Variants in ADAMTS17 observed in about 807,000 individuals in gnomAD.
ADAMTS17 encodes ADAM metallopeptidase with thrombospondin type 1 motif 17, also known as A disintegrin and metalloproteinase with thrombospondin motifs 17.
ADAMTS17 carries 113 observed loss-of-function variants against 141.5 expected under a neutral mutation model. That is an observed-to-expected ratio of 0.80 (90% CI 0.69 to 0.93). The LOEUF is 0.93. ADAMTS17 is among the 40% of genes least tolerant of loss of function. The pLI, the probability that ADAMTS17 is intolerant of heterozygous loss-of-function variation, is 0.00. For missense variants in ADAMTS17, 1,659 were observed against 1,517.9 expected, an observed-to-expected ratio of 1.09 and a Z score of -1.54; for synonymous variants, 768 against 630.6, an observed-to-expected ratio of 1.22 and a Z score of -3.27.
At chr15:100,102,681 G>T (rs139759652) in intron 14 of ADAMTS17, among the ~76,000 whole-genome samples, 1 of 152,174 alleles carries the variant, frequency 6.6e-6, no homozygotes, top group African/African-American at 2.4e-5. Flanking sequence ...TAACTAGTGC[G>T]AGGGAAATTG....
At chr15:100,296,076 A>G (rs1386795806) in intron 3 of ADAMTS17, among the ~76,000 whole-genome samples, 2 of 152,138 alleles carry the variant, frequency 1.3e-5, no homozygotes, top group African/African-American at 4.8e-5. Flanking sequence ...CCCACATCTA[A>G]GAACCTGGGG....
chr15:100,319,780 C>A (rs1286487008), intron 3 of ADAMTS17, among the ~76,000 whole-genome samples: 3 of 151,736 alleles, frequency 2.0e-5, no homozygotes, highest in African/African-American at 7.3e-5. Flanking sequence ...CTAAGAAGAT[C>A]TAGGTGGGGC....
chr15:100,190,688 A>G (rs971893706), intron 8 of ADAMTS17, among the ~76,000 whole-genome samples: 4 of 152,242 alleles, frequency 2.6e-5, no homozygotes, highest in African/African-American at 9.6e-5. Context: ...CAAGGGTTTC[A>G]GGCAGGAAAC....
chr15:99,991,132 C>T (rs992396507), intron 20 of ADAMTS17, among the ~76,000 whole-genome samples: 1 of 152,182 alleles, frequency 6.6e-6, no homozygotes, highest in Non-Finnish European at 1.5e-5. Context: ...GTGACTAAAA[C>T]ACCAAAAGCA....
At chr15:99,987,011 G>A (rs2727222) in intron 20 of ADAMTS17, among the ~76,000 whole-genome samples, 16,418 of 152,248 alleles carry the variant, frequency 0.11, 2,746 homozygotes, top group African/African-American at 0.36. Flanking sequence ...AGGTCAGGAT[G>A]AGGGCTAGGG....
chr15:100,337,163 C>T (rs138882141), intron 2 of ADAMTS17, among the ~76,000 whole-genome samples: 293 of 152,374 alleles, frequency 1.9e-3, no homozygotes, highest in African/African-American at 6.8e-3. Context: ...CGTAAGCCAC[C>T]GCACCTGGCT....
intron 8 of ADAMTS17, among the ~76,000 whole-genome samples, chr15:100,178,291 T>C (rs916400466): frequency 1.3e-5 from 2 of 152,194 alleles, no homozygotes; most frequent in Admixed American, 1.3e-4. Flanking sequence ...TTTTGATTTA[T>C]TCATGATTTT....
At chr15:100,069,380 G>C (rs977358308) in intron 15 of ADAMTS17, among the ~76,000 whole-genome samples, 1 of 152,102 alleles carries the variant, frequency 6.6e-6, no homozygotes, top group Non-Finnish European at 1.5e-5. Flanking sequence ...TCAAATTCAG[G>C]AAATACAGAG....
chr15:100,065,668 C>G (rs755542152), intron 15 of ADAMTS17, among the ~76,000 whole-genome samples: 1 of 152,140 alleles, frequency 6.6e-6, no homozygotes, highest in African/African-American at 2.4e-5. Context: ...ACTGTGAGAA[C>G]AGGATAGGTA....
At chr15:100,318,429 A>G (rs1036779188) in intron 3 of ADAMTS17, among the ~76,000 whole-genome samples, 17 of 152,014 alleles carry the variant, frequency 1.1e-4, no homozygotes, top group African/African-American at 4.1e-4. Flanking sequence ...CATGAATGGT[A>G]TTAGTGCCCT....
At chr15:100,308,361 T>C (rs1175634106) in intron 3 of ADAMTS17, among the ~76,000 whole-genome samples, 2 of 152,138 alleles carry the variant, frequency 1.3e-5, no homozygotes, top group African/African-American at 4.8e-5. Flanking sequence ...AAGACGACAG[T>C]TGTAAATCTC....
chr15:100,292,479 C>T (rs1415876682), intron 3 of ADAMTS17, among the ~76,000 whole-genome samples: 2 of 151,276 alleles, frequency 1.3e-5, no homozygotes, highest in Admixed American at 6.6e-5. Flanking sequence ...ATACTCACCC[C>T]GTGTGAAATT....
intron 15 of ADAMTS17, chr15:100,063,871 A>C: frequency 1.5e-6 from 1 of 664,966 alleles, no homozygotes; most frequent in South Asian, 1.5e-5. Flanking sequence ...GGCTTCAGAA[A>C]TGGAGGGCTG....
At chr15:100,309,062 C>T (rs1380651398) in intron 3 of ADAMTS17, among the ~76,000 whole-genome samples, 1 of 152,238 alleles carries the variant, frequency 6.6e-6, no homozygotes, top group African/African-American at 2.4e-5. Flanking sequence ...ACGCTGCATG[C>T]CCACAGAATG....
At chr15:100,302,355 A>C (rs1172045426) in intron 3 of ADAMTS17, among the ~76,000 whole-genome samples, 1 of 152,224 alleles carries the variant, frequency 6.6e-6, no homozygotes, top group Admixed American at 6.5e-5. Flanking sequence ...TATTATCAAC[A>C]ATGCTGCTAT....
intron 7 of ADAMTS17, among the ~76,000 whole-genome samples, chr15:100,227,962 T>C (rs2042361811): frequency 6.6e-6 from 1 of 152,188 alleles, no homozygotes; most frequent in Non-Finnish European, 1.5e-5. Flanking sequence ...GCAGTAAACA[T>C]GGCCACGTCA....
At chr15:99,990,665 G>A (rs2060672685) in intron 20 of ADAMTS17, among the ~76,000 whole-genome samples, 2 of 147,438 alleles carry the variant, frequency 1.4e-5, no homozygotes, top group Non-Finnish European at 1.5e-5. Flanking sequence ...GGGGAACTTT[G>A]TGTTCTGACT....
chr15:100,143,493 G>A (rs984943522), intron 10 of ADAMTS17, among the ~76,000 whole-genome samples: 2 of 152,130 alleles, frequency 1.3e-5, no homozygotes, highest in Admixed American at 6.5e-5. Context: ...CTTTATGTTT[G>A]GACTTTCTTG....
chr15:100,123,767 G>T (rs1161184856), intron 12 of ADAMTS17, among the ~76,000 whole-genome samples: 1 of 152,180 alleles, frequency 6.6e-6, no homozygotes, highest in Non-Finnish European at 1.5e-5. Context: ...GCAAGAGGTG[G>T]AGAGAAGAAA....
Sources: allele counts gnomAD v4.1 joint callset (sites outside exome capture counted in the v4.1 genomes callset), GRCh38; gene constraint gnomAD v4.1.1; transcripts MANE v1.5; gene names NCBI Gene and HGNC (gene_info 2026-07-23, HGNC 2026-07-21).